Variants in FERMT2 observed in about 807,000 individuals in gnomAD.
FERMT2 encodes fermitin family homolog 2.
FERMT2 carries 15 observed loss-of-function variants against 82.7 expected under a neutral mutation model. The ratio of observed to expected loss-of-function variants is 0.18; its 90% CI spans 0.12 to 0.28. The LOEUF (loss-of-function observed/expected upper bound fraction) is 0.28. Among genes scored for constraint, FERMT2 ranks in the 10% least tolerant of loss-of-function variants. The probability of loss-of-function intolerance (pLI) is 1.00; values close to 1 mark genes in which losing one functional copy is unlikely to be tolerated. For missense variants in FERMT2, 645 were observed against 809.4 expected (o/e 0.80, Z 2.46); for synonymous variants, 274 against 271.5 (o/e 1.01, Z -0.09).
rs117044016 is a variant in FERMT2 at position 52,935,151 on chromosome 14, G to A, written c.157+15261C>T. ...AATAAGTAAACGTGCAAATTGCAAC[G>A]TCCAAAGTGCTGTTTTCAAAAATGT... On this transcript the variant is annotated intron_variant, in intron 2 of 14. Coordinates refer to ENST00000341590, the MANE Select transcript of FERMT2 (RefSeq NM_006832.3). Among the ~76,000 whole-genome samples, 364 of 152,240 alleles carry A rather than the reference G, an allele frequency of 2.4e-3. 2 individuals carry two copies. Among genetic ancestry groups the A allele is most frequent in the Non-Finnish European group, 3.9e-3 (268 of 68,014 alleles).
intron 2 of FERMT2, among the ~76,000 whole-genome samples, chr14:52,934,549 G>A (rs1230326051): frequency 1.3e-5 from 2 of 152,120 alleles, no homozygotes; most frequent in Non-Finnish European, 2.9e-5. Flanking sequence ...ATCTCTGACA[G>A]CTCCTTCAGT....
chr14:52,895,951 T>A (rs908941173), intron 3 of FERMT2, among the ~76,000 whole-genome samples: 1 of 152,212 alleles, frequency 6.6e-6, no homozygotes, highest in African/African-American at 2.4e-5. Flanking sequence ...TTCATTTTAT[T>A]TTTTTGTAGA....
intron 12 of FERMT2, chr14:52,863,668 A>T (rs1219560141): frequency 6.6e-6 from 1 of 152,232 alleles, no homozygotes; most frequent in East Asian, 1.9e-4. Flanking sequence ...AACTATGTGT[A>T]AAATTGTGGT....
At chr14:52,927,902 CCAAA>C (rs1317555399) in intron 2 of FERMT2, 14 of 235,834 alleles carry the variant, frequency 5.9e-5, no homozygotes, top group African/African-American at 2.9e-4. Context: ...CCACCAGAGA[CCAAA>C]CAAAGACCAG....
intron 2 of FERMT2, among the ~76,000 whole-genome samples, chr14:52,924,245 G>C (rs1185327031): frequency 6.6e-6 from 1 of 152,222 alleles, no homozygotes; most frequent in Non-Finnish European, 1.5e-5. Flanking sequence ...CAGAGAGCCA[G>C]GCAGGAGCCT....
intron 4 of FERMT2, among the ~76,000 whole-genome samples, chr14:52,885,214 G>A (rs1886524508): frequency 6.7e-6 from 1 of 148,730 alleles, no homozygotes; most frequent in African/African-American, 2.5e-5. Flanking sequence ...TCAGGAGGCT[G>A]AGGCAGGAGA....
chr14:52,910,431 A>G (rs1888251555), intron 3 of FERMT2, among the ~76,000 whole-genome samples: 1 of 152,148 alleles, frequency 6.6e-6, no homozygotes. Context: ...TTTGGGAGAA[A>G]AAGTTTCCTT....
intron 3 of FERMT2, among the ~76,000 whole-genome samples, chr14:52,905,563 T>C (rs1594974313): frequency 6.6e-6 from 1 of 151,048 alleles, no homozygotes; most frequent in Non-Finnish European, 1.5e-5. Context: ...CAGTGGAGGG[T>C]GGAGATGGAG....
intron 3 of FERMT2, among the ~76,000 whole-genome samples, chr14:52,896,999 AACACACACAC>A (rs57945447): frequency 0.44 from 60,415 of 137,024 alleles, 14,299 homozygotes; most frequent in South Asian, 0.53. Flanking sequence ...AAACAAATAA[AACACACACAC>A]ACACACACAC....
At chr14:52,892,040 A>C (rs1051165928) in intron 4 of FERMT2, among the ~76,000 whole-genome samples, 1 of 152,170 alleles carries the variant, frequency 6.6e-6, no homozygotes, top group Non-Finnish European at 1.5e-5. Flanking sequence ...AAAGATGCCT[A>C]ATTCAGATTG....
Position 52,893,277 on chromosome 14 carries a change from T to C in FERMT2, c.526+16A>G, listed in dbSNP as rs1484752185. On this transcript the variant is annotated intron_variant, in intron 4 of 14. Coordinates refer to ENST00000341590, the MANE Select transcript of FERMT2 (RefSeq NM_006832.3). The stretch of plus-strand genomic sequence containing the variant: ...ACAGTTCTTACTTTGAGTCCATTGC[T>C]TGGTAAAAGTCTTACCTGATCCAGG... The C allele has an allele frequency of 1.3e-6, 2 of 1,581,642 alleles. No homozygotes were observed. Among genetic ancestry groups the C allele is most frequent in the Non-Finnish European group, 8.5e-7 (1 of 1,170,258 alleles).
chr14:52,918,293 C>T (rs1207619632), intron 3 of FERMT2, among the ~76,000 whole-genome samples: 3 of 151,908 alleles, frequency 2.0e-5, no homozygotes, highest in Non-Finnish European at 4.4e-5. Context: ...TAAAAAAAAT[C>T]CGATATGTAT....
intron 9 of FERMT2, chr14:52,873,833 A>G (rs1885782703): frequency 5.4e-6 from 1 of 186,190 alleles, no homozygotes; most frequent in Admixed American, 6.1e-5. Flanking sequence ...ACGAGGAAAT[A>G]ATCGCTGGCA....
rs767628979 is a variant in FERMT2, at chr14:52,875,274, G to A, written c.1047C>T (p.Ala349=). 6.2e-7 allele frequency: 1 copy of A among 1,613,066 alleles called. No individual in the cohort carries two copies. The highest frequency in any genetic ancestry group is 1.1e-5 in the South Asian group (1 of 90,912). The change falls in exon 8 of 15, where the codon GCC becomes GCT. Residue 349 remains alanine (A), a synonymous_variant. Transcript: ENST00000341590. ...CCAGAGTAATCTCCAGGTCTGAAAG[G>A]GCAGCATCAACTTCATCAACTTCTT... ...SDKEVDEVDA[A]LSDLEITLEG... is the part of the protein sequence containing the mutation.
chr14:52,905,442 T>C (rs1025207672), intron 3 of FERMT2, among the ~76,000 whole-genome samples: 1 of 152,130 alleles, frequency 6.6e-6, no homozygotes. Context: ...ATTTCAAAAA[T>C]CTTTCTGCTT....
At chr14:52,868,204 ACT>A (rs931726797) in intron 10 of FERMT2, among the ~76,000 whole-genome samples, 5 of 138,028 alleles carry the variant, frequency 3.6e-5, no homozygotes, top group Admixed American at 3.3e-4. Context: ...GCAGCACAAA[ACT>A]CTCTAGGCAT....
intron 3 of FERMT2, among the ~76,000 whole-genome samples, chr14:52,897,992 A>AG (rs1334481903): frequency 6.7e-6 from 1 of 149,206 alleles, no homozygotes; most frequent in Non-Finnish European, 1.5e-5. Context: ...AAAAAAAAAA[A>AG]AACAACCAAA....
intron 2 of FERMT2, among the ~76,000 whole-genome samples, chr14:52,936,625 C>G (rs1889849178): frequency 6.6e-6 from 1 of 152,214 alleles, no homozygotes; most frequent in Admixed American, 6.5e-5. Context: ...TGCTCCACTT[C>G]CCATGCTGGG....
chr14:52,878,764 T>C (rs1886120167), intron 6 of FERMT2, 75 bp from the exon 7 acceptor site: 4 of 700,776 alleles, frequency 5.7e-6, no homozygotes, highest in Non-Finnish European at 9.1e-6. Context: ...GAATATTCAA[T>C]TGACAAGAAA....
Sources: allele counts gnomAD v4.1 joint callset (sites outside exome capture counted in the v4.1 genomes callset), GRCh38; gene constraint gnomAD v4.1.1; transcripts MANE v1.5; gene names NCBI Gene and HGNC (gene_info 2026-07-23, HGNC 2026-07-21).